The following SNX13 variants were observed in gnomAD, a reference collection of about 807,000 sequenced individuals.
The protein encoded by SNX13 is sorting nexin 13, also known as sorting nexin-13.
A neutral mutation model predicts 133.6 loss-of-function variants in SNX13; 45 were observed. The observed-to-expected ratio is 0.34, with a 90% confidence interval of 0.27 to 0.43. The LOEUF is 0.43. Ranked by LOEUF, SNX13 falls within the 20% of genes least tolerant of loss-of-function variation. The pLI is 1.00. For missense variants in SNX13, 1,032 were observed against 1,145.1 expected, an observed-to-expected ratio of 0.90 and a Z score of 1.43; for synonymous variants, 414 against 373.9, an observed-to-expected ratio of 1.11 and a Z score of -1.24.
intron 21 of SNX13, among the ~76,000 whole-genome samples, chr7:17,802,220 A>T (rs140326300): frequency 5.4e-4 from 82 of 152,110 alleles, no homozygotes; most frequent in African/African-American, 1.9e-3. Context: ...GGTTTGTGTA[A>T]GTTCACTCTA....
chr7:17,930,537 T>G (rs1801280027), intron 1 of SNX13, among the ~76,000 whole-genome samples: 1 of 152,226 alleles, frequency 6.6e-6, no homozygotes, highest in Non-Finnish European at 1.5e-5. Context: ...TGAGCTGCTG[T>G]TATTAATTTC....
chr7:17,928,763 A>G (rs1467051805), intron 1 of SNX13, among the ~76,000 whole-genome samples: 6 of 152,212 alleles, frequency 3.9e-5, no homozygotes, highest in South Asian at 4.1e-4. Flanking sequence ...CAACAACTCA[A>G]TATCAGAACA....
chr7:17,886,363 T>C (rs748855580), intron 5 of SNX13, among the ~76,000 whole-genome samples: 55 of 151,842 alleles, frequency 3.6e-4, no homozygotes, highest in Admixed American at 5.9e-4. Flanking sequence ...AGGTCAGGAG[T>C]TCGAGGCCAG....
chr7:17,848,134 C>T (rs548601477), intron 11 of SNX13, among the ~76,000 whole-genome samples: 5 of 152,180 alleles, frequency 3.3e-5, no homozygotes, highest in African/African-American at 9.6e-5. Context: ...AGCTGGTAGC[C>T]GGGACTACGG....
intron 20 of SNX13, among the ~76,000 whole-genome samples, chr7:17,814,021 T>C (rs552857504): frequency 1.1e-4 from 16 of 152,296 alleles, no homozygotes; most frequent in African/African-American, 3.8e-4. Flanking sequence ...TGAAATAATT[T>C]CAGACTTATA....
chr7:17,814,102 CTAT>C (rs1786372895), intron 20 of SNX13, among the ~76,000 whole-genome samples: 1 of 152,112 alleles, frequency 6.6e-6, no homozygotes, highest in Non-Finnish European at 1.5e-5. Context: ...GCTCCTATTG[CTAT>C]TATTACTAAG....
intron 16 of SNX13, 40 bp from the exon 17 acceptor site, chr7:17,826,131 A>G (rs373498286): frequency 1.0e-5 from 14 of 1,342,114 alleles, no homozygotes; most frequent in Non-Finnish European, 1.3e-5. Context: ...TTAAAATTTT[A>G]TAGGGAAAAA....
At chr7:17,869,991 T>C (rs570982763) in intron 8 of SNX13, among the ~76,000 whole-genome samples, 1 of 152,216 alleles carries the variant, frequency 6.6e-6, no homozygotes, top group African/African-American at 2.4e-5. Context: ...GTTGGTGCAA[T>C]GAGTCGATTT....
chr7:17,906,946 T>G (rs555452040), intron 1 of SNX13, among the ~76,000 whole-genome samples: 1 of 152,176 alleles, frequency 6.6e-6, no homozygotes, highest in African/African-American at 2.4e-5. Flanking sequence ...GTGAGTTCAT[T>G]TGGTGTATCA....
intron 12 of SNX13, 123 bp from the exon 13 acceptor site, chr7:17,840,123 T>G (rs534286035): frequency 1.7e-4 from 124 of 730,510 alleles, no homozygotes; most frequent in Non-Finnish European, 2.4e-4. Flanking sequence ...ATTTTGAAAA[T>G]GTTTTAGCAA....
At chr7:17,839,737 A>C in intron 13 of SNX13, 70 bp downstream of exon 13, 1 of 1,286,698 alleles carries the variant, frequency 7.8e-7, no homozygotes, top group Non-Finnish European at 1.1e-6. Flanking sequence ...AGCCTGGCAT[A>C]AGCAATGGAT....
At chr7:17,796,994 A>G (rs983398229) in intron 24 of SNX13, 55 bp from the exon 25 acceptor site, 3 of 1,275,746 alleles carry the variant, frequency 2.4e-6, no homozygotes, top group Non-Finnish European at 3.4e-6. Flanking sequence ...TAATGATACA[A>G]GTTGATAAAA....
intron 5 of SNX13, among the ~76,000 whole-genome samples, chr7:17,876,047 T>C (rs896564190): frequency 2.0e-5 from 3 of 152,202 alleles, no homozygotes; most frequent in East Asian, 1.9e-4. Flanking sequence ...AGGTTTAAAA[T>C]AGAAAAAGAA....
At chr7:17,834,722 C>CA (rs780920068) in intron 14 of SNX13, 39 bp downstream of exon 14, 50 of 1,353,728 alleles carry the variant, frequency 3.7e-5, no homozygotes, top group Non-Finnish European at 4.6e-5. Context: ...TATTTTTTCT[C>CA]AAAAAAGATA....
intron 1 of SNX13, among the ~76,000 whole-genome samples, chr7:17,923,853 G>A (rs537351097): frequency 3.9e-5 from 6 of 152,056 alleles, no homozygotes; most frequent in South Asian, 2.1e-4. Flanking sequence ...TTAATTATTC[G>A]ACACTGCTAC....
chr7:17,805,001 T>C (rs532376731), intron 20 of SNX13, among the ~76,000 whole-genome samples: 5 of 152,338 alleles, frequency 3.3e-5, no homozygotes, highest in Admixed American at 6.5e-5. Context: ...GAGTTTTGGT[T>C]GGTTACTCCC....
intron 25 of SNX13, chr7:17,794,576 A>G: frequency 3.4e-6 from 1 of 298,038 alleles, no homozygotes; most frequent in Admixed American, 4.8e-5. Flanking sequence ...GATTACAAAC[A>G]TGTCCCTTAA....
intron 1 of SNX13, chr7:17,899,610 G>A (rs1583684956): frequency 6.6e-6 from 1 of 151,568 alleles, no homozygotes; most frequent in African/African-American, 2.4e-5. Context: ...TCGTCAGTAG[G>A]TCAACTGCAT....
chr7:17,797,555 C>T (rs1371083428), intron 24 of SNX13, among the ~76,000 whole-genome samples: 1 of 151,790 alleles, frequency 6.6e-6, no homozygotes, highest in East Asian at 1.9e-4. Flanking sequence ...GGTGTAAGGG[C>T]AAGACTCCCC....
Sources: gnomAD v4.1 joint callset for allele counts (sites outside exome capture counted in the v4.1 genomes callset) on GRCh38, gnomAD v4.1.1 for gene constraint, MANE v1.5 for transcripts, NCBI Gene and HGNC (gene_info 2026-07-23, HGNC 2026-07-21) for gene names.